The following LAMTOR1 variants were observed in gnomAD, a reference collection of about 807,000 sequenced individuals.
LAMTOR1 encodes the protein late endosomal/lysosomal adaptor, MAPK and MTOR activator 1.
In LAMTOR1, 8 loss-of-function variants were observed where a neutral mutation model predicts 20.5. That is an observed-to-expected ratio of 0.39 (90% confidence interval 0.23 to 0.70). The LOEUF is 0.70. Among genes scored for constraint, LAMTOR1 ranks in the 30% least tolerant of loss-of-function variants. The pLI is 0.43. For synonymous variants in LAMTOR1, 77 were observed against 80.9 expected, an observed-to-expected ratio of 0.95 and a Z score of 0.26; for missense variants, 135 against 206.2, an observed-to-expected ratio of 0.65 and a Z score of 2.11.
At chr11:72,101,627 G>C (rs1475556377) in intron 1 of LAMTOR1, among the ~76,000 whole-genome samples, 1 of 152,210 alleles carries the variant, frequency 6.6e-6, no homozygotes, top group Non-Finnish European at 1.5e-5. Flanking sequence ...TAAAGAGACA[G>C]AGATGAGAGT....
chr11:72,097,949 G>A (rs372499874), intron 4 of LAMTOR1, 35 bp from the exon 5 acceptor site: 6 of 1,554,832 alleles, frequency 3.9e-6, no homozygotes, highest in Non-Finnish European at 5.2e-6. Context: ...GAGAGGAACA[G>A]AGACAGGTGA....
intron 1 of LAMTOR1, among the ~76,000 whole-genome samples, chr11:72,099,748 GC>G (rs1251005197): frequency 6.6e-6 from 1 of 152,182 alleles, no homozygotes; most frequent in Non-Finnish European, 1.5e-5. Context: ...TCCAGACAAA[GC>G]CCTAGGCCCC....
At chr11:72,100,471 AC>A (rs1390004009) in intron 1 of LAMTOR1, among the ~76,000 whole-genome samples, 1 of 152,110 alleles carries the variant, frequency 6.6e-6, no homozygotes, top group East Asian at 1.9e-4. Flanking sequence ...TCTGGATTTG[AC>A]CCTGCCTTGA....
intron 1 of LAMTOR1, among the ~76,000 whole-genome samples, chr11:72,101,582 G>A (rs897482485): frequency 6.6e-6 from 1 of 152,186 alleles, no homozygotes; most frequent in Non-Finnish European, 1.5e-5. Flanking sequence ...AAGGCCCTTT[G>A]TAAACTGTAA....
chr11:72,098,714 A>T, intron 3 of LAMTOR1, 67 bp downstream of exon 3: 1 of 1,208,928 alleles, frequency 8.3e-7, no homozygotes, highest in African/African-American at 1.5e-5. Context: ...CAGGCTCCAA[A>T]GCTGGAACAG....
chr11:72,098,424 G>C lies in LAMTOR1; in HGVS notation c.267-9C>G, dbSNP rs375386648. ...GCACAGCCAAGCGGGTGCTGACCAA[G>C]AGAGAGGGGGTGGGGGTAGGCAGTT... On this transcript the variant is annotated splice_polypyrimidine_tract_variant and intron_variant, in intron 3 of 4. Transcript: ENST00000278671. 1.2e-6 allele frequency: 2 copies of C among 1,606,866 alleles called. No homozygotes were observed. The highest frequency in any genetic ancestry group is 1.3e-5 in the African/African-American group (1 of 74,866).
At chr11:72,098,964 C>T in intron 2 of LAMTOR1, 106 bp from the exon 3 acceptor site, 1 of 1,360,362 alleles carries the variant, frequency 7.4e-7, no homozygotes, top group Non-Finnish European at 1.0e-6. Flanking sequence ...CAGTTTCCCT[C>T]CTGCCTACTG....
chr11:72,098,253 A>C (rs1945304733), intron 4 of LAMTOR1, 36 bp downstream of exon 4: 2 of 1,612,154 alleles, frequency 1.2e-6, no homozygotes, highest in Non-Finnish European at 1.7e-6. Context: ...GGGCAGTGTG[A>C]GAAGGGTGGG....
In LAMTOR1 at chr11:72,099,226, G is replaced by A. The variant is rs151193517; in HGVS notation, c.73C>T (p.Pro25Ser). 65 of 1,600,412 alleles carry A rather than the reference G, an allele frequency of 4.1e-5. No individual in the cohort carries two copies. The African/African-American group carries it at 7.5e-4, about 18-fold the overall frequency. Reference protein sequence around the residue: ...DREERKLLLDPSSPPTKALNG... With the variant: ...DREERKLLLDSSSPPTKALNG... ...AGAGCTTTGGTAGGGGGGCTGCTAGGGTCCAGCAGCAGCTTCCGCTCCTCT... is the reference window on the plus strand; with the variant it reads ...AGAGCTTTGGTAGGGGGGCTGCTAGAGTCCAGCAGCAGCTTCCGCTCCTCT... Residue 25 changes from proline to serine, a missense_variant, in exon 2 of 5, where the codon CCT (proline) becomes TCT (serine). Pro to Ser is a moderately conservative substitution (Grantham distance 74, BLOSUM62 -1). Coordinates refer to ENST00000278671, the MANE Select transcript of LAMTOR1 (RefSeq NM_017907.3).
chr11:72,098,338 G>A lies in LAMTOR1; in HGVS notation c.344C>T (p.Pro115Leu), dbSNP rs910893370. ...GGGCTCACTGGCCAGCACTTGGTGG[G>A]GCTGGCTGGTAAGAGACGGCAGCGG... is the stretch of plus-strand genomic sequence containing the variant. ...LPPLPSLTSQPHQVLASEPIP... is the reference protein window; with the variant it reads ...LPPLPSLTSQLHQVLASEPIP... Residue 115 changes from proline to leucine, a missense_variant, in exon 4 of 5, where the codon CCC becomes CTC. By Grantham distance (98) the Pro-to-Leu change is moderately conservative. Coordinates refer to ENST00000278671, the MANE Select transcript of LAMTOR1 (RefSeq NM_017907.3). The A allele has an allele frequency of 6.2e-7, 1 of 1,613,656 alleles. No homozygotes were observed. The highest frequency in any genetic ancestry group is 8.5e-7 in the Non-Finnish European group (1 of 1,179,886).
intron 2 of LAMTOR1, 121 bp from the exon 3 acceptor site, chr11:72,098,979 A>C (rs1945339363): frequency 7.9e-6 from 11 of 1,387,056 alleles, no homozygotes; most frequent in African/African-American, 1.4e-5. Context: ...CTACTGGAGC[A>C]GGGCTGGACA....
In LAMTOR1 at chr11:72,098,355, C is replaced by T. The variant is rs547985091; in HGVS notation, c.327G>A (p.Pro109=). ...LTHWKKLPPL[P]SLTSQPHQVL... ...CTTGGTGGGGCTGGCTGGTAAGAGACGGCAGCGGTGGCAGCTTCTTCCAAT... is the reference window on the plus strand; with the variant it reads ...CTTGGTGGGGCTGGCTGGTAAGAGATGGCAGCGGTGGCAGCTTCTTCCAAT... The change falls in exon 4 of 5, where the codon CCG becomes CCA. Residue 109 remains proline (P), a synonymous_variant. Coordinates refer to ENST00000278671, the MANE Select transcript of LAMTOR1 (RefSeq NM_017907.3). 9.9e-6 allele frequency: 16 copies of T among 1,612,994 alleles called. No homozygotes were observed. Among genetic ancestry groups the T allele is most frequent in the African/African-American group, 5.3e-5 (4 of 75,006 alleles).
At chr11:72,102,414 TC>T (rs1297895599) in intron 1 of LAMTOR1, among the ~76,000 whole-genome samples, 2 of 152,140 alleles carry the variant, frequency 1.3e-5, no homozygotes, top group Non-Finnish European at 2.9e-5. Context: ...TGTACAGGTC[TC>T]CCCAGCCTAA....
rs1491122985 is a variant in LAMTOR1, at chr11:72,098,422, AAG to A, written c.267-9_267-8del. 12 of 1,606,840 alleles carry A rather than the reference AAG, an allele frequency of 7.5e-6. No homozygotes were observed. The highest frequency in any genetic ancestry group is 9.3e-6 in the Non-Finnish European group (11 of 1,177,324). ...CAGCACAGCCAAGCGGGTGCTGACC[AAG>A]AGAGAGGGGGTGGGGGTAGGCAGTT... On this transcript the variant is annotated splice_polypyrimidine_tract_variant and splice_region_variant and intron_variant, in intron 3 of 4. Coordinates refer to ENST00000278671, the MANE Select transcript of LAMTOR1 (RefSeq NM_017907.3).
Position 72,097,711 on chromosome 11 carries a change from T to G in LAMTOR1, c.*111A>C. 1 of 1,570,524 alleles carries G rather than the reference T, an allele frequency of 6.4e-7. No individual in the cohort carries two copies. Among genetic ancestry groups the G allele is most frequent in the Non-Finnish European group, 8.7e-7 (1 of 1,155,568 alleles). Reference sequence around the variant, plus strand: ...TCCTCCTTCTTCACATTTTTCTCTGTGATTAGTAGCAGGTTAGGGTACTGT... The same window carrying G: ...TCCTCCTTCTTCACATTTTTCTCTGGGATTAGTAGCAGGTTAGGGTACTGT... On this transcript the variant is annotated 3_prime_UTR_variant, in exon 5 of 5. Coordinates refer to ENST00000278671, the MANE Select transcript of LAMTOR1 (RefSeq NM_017907.3).
At chr11:72,100,939 A>G (rs1219019325) in intron 1 of LAMTOR1, among the ~76,000 whole-genome samples, 1 of 151,550 alleles carries the variant, frequency 6.6e-6, no homozygotes, top group Non-Finnish European at 1.5e-5. Context: ...ACATAGGCTC[A>G]GTATTAAAGA....
In LAMTOR1 at chr11:72,099,333, G is replaced by A. The variant is rs1945354120; in HGVS notation, c.43-77C>T. 9 of 1,460,296 alleles carry A rather than the reference G, an allele frequency of 6.2e-6. No individual in the cohort carries two copies. In the Admixed American group the frequency reaches 1.2e-4, roughly 19 times the overall value. 90.5% of individuals were successfully genotyped at this position (1,460,296 alleles called of 1,614,324 possible). On this transcript the variant is annotated intron_variant, in intron 1 of 4. Transcript: ENST00000278671. Reference sequence around the variant, plus strand: ...TTTCACGGGTGCTACCCTTAGCCCAGCTCTGACCTTAAACACCAAAAATGT... The same window carrying A: ...TTTCACGGGTGCTACCCTTAGCCCAACTCTGACCTTAAACACCAAAAATGT...
In LAMTOR1 at chr11:72,103,203, C is replaced by A; in HGVS notation, c.22G>T (p.Glu8Ter). 6.3e-7 allele frequency: 1 copy of A among 1,581,266 alleles called. No individual in the cohort carries two copies. The highest frequency in any genetic ancestry group is 8.6e-7 in the Non-Finnish European group (1 of 1,163,390). ...CGCACCTGGTCCGAGTCCTCGTTCTCGCTGCTGTAGCAGCACCCCATGGCC... is the reference window on the plus strand; with the variant it reads ...CGCACCTGGTCCGAGTCCTCGTTCTAGCTGCTGTAGCAGCACCCCATGGCC... MGCCYSS[E>*]NEDSDQDREE... Residue 8 changes from glutamate to a stop codon, truncating the protein, a stop_gained, in exon 1 of 5, where the codon GAG becomes TAG. Transcript: ENST00000278671. LOFTEE classifies it high-confidence loss of function.
chr11:72,098,430 G>C lies in LAMTOR1; in HGVS notation c.267-15C>G. ...CCAAGCGGGTGCTGACCAAGAGAGA[G>C]GGGGTGGGGGTAGGCAGTTAAGCCA... On this transcript the variant is annotated splice_polypyrimidine_tract_variant and intron_variant, in intron 3 of 4. Transcript: ENST00000278671. The C allele has an allele frequency of 1.9e-6, 3 of 1,604,952 alleles. No individual in the cohort carries two copies. The highest frequency in any genetic ancestry group is 2.6e-6 in the Non-Finnish European group (3 of 1,176,198).
Sources: allele counts gnomAD v4.1 joint callset (sites outside exome capture counted in the v4.1 genomes callset), GRCh38; gene constraint gnomAD v4.1.1; transcripts MANE v1.5; gene names NCBI Gene and HGNC (gene_info 2026-07-23, HGNC 2026-07-21).